Variants in UBR4 observed in about 807,000 individuals in gnomAD.
UBR4 encodes the protein ubiquitin protein ligase E3 component n-recognin 4, also known as E3 ubiquitin-protein ligase UBR4.
Under a neutral mutation model 575.6 loss-of-function variants are expected in UBR4, and 124 were observed. The ratio of observed to expected loss-of-function variants is 0.22; its 90% CI spans 0.19 to 0.25. The LOEUF (loss-of-function observed/expected upper bound fraction) is 0.25, where lower values mean the gene tolerates loss of function less well. Among genes scored for constraint, UBR4 ranks in the 10% least tolerant of loss-of-function variants. The probability of loss-of-function intolerance (pLI) is 1.00; values close to 1 mark genes in which losing one functional copy is unlikely to be tolerated. For missense variants in UBR4, 4,818 were observed against 6,478.8 expected (o/e 0.74, Z 8.80); for synonymous variants, 2,455 against 2,473.7 (o/e 0.99, Z 0.22).
chr1:19,208,269 C>G (rs1369333185), intron 1 of UBR4, among the ~76,000 whole-genome samples: 1 of 151,946 alleles, frequency 6.6e-6, no homozygotes, highest in Non-Finnish European at 1.5e-5. Flanking sequence ...ATATGGAGAC[C>G]ATTCTGGCTA....
At chr1:19,145,642 A>T in intron 53 of UBR4, 151 bp downstream of exon 53, 3 of 1,007,904 alleles carry the variant, frequency 3.0e-6, no homozygotes, top group Non-Finnish European at 4.3e-6. Context: ...GGAACATTGC[A>T]TTTATCTCGC....
rs1268489484 is a variant in UBR4 at position 19,112,852 on chromosome 1, G to A, written c.11473C>T (p.Arg3825Cys). Reference protein sequence around the residue: ...SKIIQKVFASRKELLEYDLQQ... With the variant: ...SKIIQKVFASCKELLEYDLQQ... ...AGGTCATATTCCAACAACTCTTTGC[G>A]CGAAGCAAAGACTTTCTAAGAACAA... The change falls in exon 78 of 106, where the codon CGC becomes TGC. Residue 3825 changes from arginine (R) to cysteine (C), a missense_variant. Arg to Cys is a radical substitution (Grantham distance 180). Around this residue, in one of 29 missense-constraint regions of UBR4, gnomAD observed 333 missense variants for 459.2 expected, o/e 0.73. Transcript: ENST00000375254. 9 of 1,583,378 alleles carry A rather than the reference G, an allele frequency of 5.7e-6. No homozygotes were observed. Among genetic ancestry groups the A allele is most frequent in the East Asian group, 2.3e-5 (1 of 44,256 alleles).
At chr1:19,186,744 T>C in intron 13 of UBR4, 87 bp from the exon 14 acceptor site, 1 of 1,347,134 alleles carries the variant, frequency 7.4e-7, no homozygotes, top group Non-Finnish European at 1.0e-6. Flanking sequence ...TCTTTTATTT[T>C]TTCCTAAATC....
chr1:19,094,142 G>T lies in UBR4; in HGVS notation c.13747-3C>A, dbSNP rs1373968914. On this transcript the variant is annotated splice_polypyrimidine_tract_variant and splice_region_variant and intron_variant, in intron 94 of 105. Coordinates refer to ENST00000375254, the MANE Select transcript of UBR4 (RefSeq NM_020765.3). ...TCACCTGTCAGGAGGAGGTTGCCCT[G>T]CAACAGAAAAGAGGGTGAACATGCC... 1.2e-6 allele frequency: 2 copies of T among 1,611,012 alleles called. No homozygotes were observed. Among genetic ancestry groups the T allele is most frequent in the African/African-American group, 2.7e-5 (2 of 74,996 alleles).
In UBR4 at chr1:19,210,130, G is replaced by A; in HGVS notation, c.119C>T (p.Ser40Phe). 1 of 1,586,170 alleles carries A rather than the reference G, an allele frequency of 6.3e-7. No individual in the cohort carries two copies. Among genetic ancestry groups the A allele is most frequent in the Non-Finnish European group, 8.6e-7 (1 of 1,169,078 alleles). Residue 40 changes from serine (S) to phenylalanine (F), a missense_variant, in exon 1 of 106, where the codon TCC (serine) becomes TTC (phenylalanine). Physicochemically the swap from Ser to Phe is radical, Grantham distance 155. Coordinates refer to ENST00000375254, the MANE Select transcript of UBR4 (RefSeq NM_020765.3). The part of the protein sequence containing the change: ...EVAVRPLLSA[S>F]YSAFEMKELP... Reference sequence around the variant, plus strand: ...CTCCTTCATCTCGAAGGCGGAGTAGGACGCGGACAGCAGGGGCCGCACAGC... The same window carrying A: ...CTCCTTCATCTCGAAGGCGGAGTAGAACGCGGACAGCAGGGGCCGCACAGC...
intron 15 of UBR4, 95 bp from the exon 16 acceptor site, chr1:19,184,270 A>C: frequency 7.5e-7 from 1 of 1,325,420 alleles, no homozygotes; most frequent in Non-Finnish European, 1.0e-6. Flanking sequence ...ATATGCTCAT[A>C]GGTATCCTGC....
chr1:19,081,707 C>T, intron 102 of UBR4, 134 bp from the exon 103 acceptor site: 1 of 949,590 alleles, frequency 1.1e-6, no homozygotes, highest in South Asian at 1.3e-5. Flanking sequence ...ACACTCCCCA[C>T]CCATCCTTGC....
intron 75 of UBR4, 124 bp from the exon 76 acceptor site, chr1:19,114,194 A>C (rs567035088): frequency 1.3e-5 from 16 of 1,251,778 alleles, no homozygotes; most frequent in East Asian, 7.4e-5. Context: ...TTCATACATT[A>C]TCTCTGTTCT....
At chr1:19,175,856 T>G (rs2090193500) in intron 20 of UBR4, among the ~76,000 whole-genome samples, 1 of 151,986 alleles carries the variant, frequency 6.6e-6, no homozygotes, top group African/African-American at 2.4e-5. Context: ...TACAGTGGCG[T>G]GATCACAGCT....
At chr1:19,171,063 T>C (rs1417155376) in intron 25 of UBR4, among the ~76,000 whole-genome samples, 180 bp from the exon 26 acceptor site, 1 of 152,170 alleles carries the variant, frequency 6.6e-6, no homozygotes, top group African/African-American at 2.4e-5. Flanking sequence ...TCCCAAAGAA[T>C]GTCCCCTCCT....
chr1:19,138,222 A>G (rs1226415027), intron 59 of UBR4, 41 bp from the exon 60 acceptor site: 2 of 1,460,744 alleles, frequency 1.4e-6, no homozygotes, highest in Non-Finnish European at 1.8e-6. Context: ...CAACTCCCAA[A>G]GCATGAAGGA....
Position 19,074,700 on chromosome 1 carries a change from A to G in UBR4, c.*132T>C. 1.2e-5 allele frequency: 13 copies of G among 1,075,396 alleles called. No individual in the cohort carries two copies. The South Asian group carries it at 1.2e-4, about 10-fold the overall frequency. The allele number at this position is 1,075,396 out of a possible 1,614,324, so 66.6% of individuals were successfully genotyped here. Reference sequence around the variant, plus strand: ...AGCCTAAAAACCCCAAGCCACACCAAGAAAAATGAGAGAGGGGAGGGCGGG... The same window carrying G: ...AGCCTAAAAACCCCAAGCCACACCAGGAAAAATGAGAGAGGGGAGGGCGGG... On this transcript the variant is annotated 3_prime_UTR_variant, in exon 106 of 106. Coordinates refer to ENST00000375254, the MANE Select transcript of UBR4 (RefSeq NM_020765.3).
chr1:19,122,091 C>T, intron 66 of UBR4, 79 bp from the exon 67 acceptor site: 11 of 1,440,918 alleles, frequency 7.6e-6, no homozygotes, highest in Non-Finnish European at 1.1e-5. Flanking sequence ...TGCCTGGAGC[C>T]ATCTCCCTGA....
rs191893278 is a variant in UBR4 at position 19,105,408 on chromosome 1, C to G, written c.12504-219G>C. Among the ~76,000 whole-genome samples, 18 of 152,314 alleles carry G rather than the reference C, an allele frequency of 1.2e-4. No individual in the cohort carries two copies. The East Asian group carries it at 3.5e-3, about 29-fold the overall frequency. ...AGCACACTGCAGGGAGTGAATGCCA[C>G]AGAATCTAAGCATTCATATTTTGGC... On this transcript the variant is annotated intron_variant, in intron 84 of 105. Coordinates refer to ENST00000375254, the MANE Select transcript of UBR4 (RefSeq NM_020765.3).
rs749657137 is a variant in UBR4, at chr1:19,210,036, C to A, written c.176+37G>T. On this transcript the variant is annotated intron_variant, in intron 1 of 105. Transcript: ENST00000375254. Reference sequence around the variant, plus strand: ...GATCCGGCTCGAAATCCCCTCCCCCCACAACAGCGTCGCCCGCCAGAGCCG... The same window carrying A: ...GATCCGGCTCGAAATCCCCTCCCCCAACAACAGCGTCGCCCGCCAGAGCCG... The A allele has an allele frequency of 3.9e-5, 59 of 1,516,824 alleles. No homozygotes were observed. The South Asian group carries it at 4.9e-4, about 13-fold the overall frequency. 94.0% of individuals were successfully genotyped at this position (1,516,824 alleles called of 1,614,324 possible). A position where few individuals can be genotyped will look rare whatever the true frequency, so the allele number is the denominator to read the frequency against.
Position 19,140,874 on chromosome 1 carries a change from A to G in UBR4, c.8507T>C (p.Leu2836Pro), listed in dbSNP as rs143200573. Residue 2836 changes from leucine (L) to proline (P), a missense_variant, in exon 58 of 106, where the codon CTG (leucine) becomes CCG (proline). Physicochemically the swap from Leu to Pro is moderately conservative, Grantham distance 98. This residue lies in a region of UBR4 where 129 missense variants were observed against 198.4 expected (regional missense o/e 0.65). Coordinates refer to ENST00000375254, the MANE Select transcript of UBR4 (RefSeq NM_020765.3). ...QDQQGSSSSA[L>P]GLQSLGLSGQ... is the part of the protein sequence containing the mutation. ...GGACAGTCCCAGGCTCTGCAGGCCC[A>G]GGGCACTGCTGCTGCTGCCTGGGAA... 623 of 1,610,914 alleles carry G rather than the reference A, an allele frequency of 3.9e-4. 1 individual carries two copies. The highest frequency in any genetic ancestry group is 5.0e-4 in the Non-Finnish European group (592 of 1,179,406).
chr1:19,204,421 C>T (rs951710524), intron 1 of UBR4, among the ~76,000 whole-genome samples: 47 of 152,104 alleles, frequency 3.1e-4, no homozygotes, highest in Non-Finnish European at 3.4e-4. Context: ...CTGCTTATCC[C>T]CACTTTTTCC....
intron 77 of UBR4, 77 bp from the exon 78 acceptor site, chr1:19,112,944 G>T: frequency 1.4e-6 from 2 of 1,466,240 alleles, no homozygotes; most frequent in South Asian, 1.4e-5. Context: ...AATTAGTTTT[G>T]CTTTAGAAAA....
In UBR4 at chr1:19,184,094, G is replaced by T; in HGVS notation, c.2020C>A (p.Leu674Met). ...TGGTGTTCTGAAAGAGATACACTCA[G>T]ATAGTTTCGGATAAAATTGTTCCGA... ...NSRNNFIRNY[L>M]SVSLSEHHMA... Residue 674 changes from leucine to methionine, a missense_variant, in exon 16 of 106, where the codon CTG (leucine) becomes ATG (methionine). Leu to Met is a conservative substitution (Grantham distance 15). Around this residue, in one of 29 missense-constraint regions of UBR4, gnomAD observed 1,172 missense variants for 1,259.7 expected, o/e 0.93. Coordinates refer to ENST00000375254, the MANE Select transcript of UBR4 (RefSeq NM_020765.3). The T allele has an allele frequency of 6.2e-7, 1 of 1,614,180 alleles. No homozygotes were observed. Among genetic ancestry groups the T allele is most frequent in the Non-Finnish European group, 8.5e-7 (1 of 1,180,022 alleles).
Sources: allele counts gnomAD v4.1 joint callset (sites outside exome capture counted in the v4.1 genomes callset), GRCh38; gene constraint gnomAD v4.1.1; regional missense constraint gnomAD v4.1.1; transcripts MANE v1.5; gene names NCBI Gene and HGNC (gene_info 2026-07-23, HGNC 2026-07-21).